The following PARP8 variants were observed in gnomAD, a reference collection of about 807,000 sequenced individuals.
PARP8 encodes protein mono-ADP-ribosyltransferase PARP8.
A neutral mutation model predicts 124.1 loss-of-function variants in PARP8; 51 were observed. The observed-to-expected ratio is 0.41, with a 90% confidence interval of 0.33 to 0.52. The LOEUF (loss-of-function observed/expected upper bound fraction) is 0.52. PARP8 is among the 20% of genes least tolerant of loss of function. The probability of loss-of-function intolerance (pLI) is 0.21; values close to 1 mark genes in which losing one functional copy is unlikely to be tolerated. For missense variants in PARP8, 860 were observed against 1,018.9 expected (o/e 0.84, Z 2.12); for synonymous variants, 391 against 361.5 (o/e 1.08, Z -0.93).
chr5:50,811,991 A>G (rs1196946146), intron 14 of PARP8, among the ~76,000 whole-genome samples: 1 of 152,108 alleles, frequency 6.6e-6, no homozygotes, highest in Non-Finnish European at 1.5e-5. Flanking sequence ...TCTGTCATTG[A>G]TGGACATTTG....
At chr5:50,774,149 T>C (rs1345935242) in intron 7 of PARP8, among the ~76,000 whole-genome samples, 3 of 152,076 alleles carry the variant, frequency 2.0e-5, no homozygotes, top group Non-Finnish European at 2.9e-5. Flanking sequence ...GAGCAAGGGG[T>C]TGGGGGTAAG....
At chr5:50,713,669 G>A (rs974908507) in intron 2 of PARP8, among the ~76,000 whole-genome samples, 1 of 151,758 alleles carries the variant, frequency 6.6e-6, no homozygotes, top group African/African-American at 2.4e-5. Flanking sequence ...TACCTTATAT[G>A]GCCAAAAGGA....
chr5:50,713,841 T>C (rs572977123), intron 2 of PARP8, among the ~76,000 whole-genome samples: 8 of 152,100 alleles, frequency 5.3e-5, no homozygotes, highest in African/African-American at 1.9e-4. Flanking sequence ...CTGAAGATGC[T>C]CTGCTGCAGC....
intron 6 of PARP8, among the ~76,000 whole-genome samples, chr5:50,762,363 T>C (rs1169834362): frequency 6.6e-6 from 1 of 152,106 alleles, no homozygotes; most frequent in Non-Finnish European, 1.5e-5. Flanking sequence ...TGTTGAAAAA[T>C]TGTTATGAAG....
At chr5:50,740,530 A>G (rs1757938159) in intron 2 of PARP8, among the ~76,000 whole-genome samples, 1 of 152,172 alleles carries the variant, frequency 6.6e-6, no homozygotes, top group Non-Finnish European at 1.5e-5. Context: ...AGGTGCTATT[A>G]AAATTATGTT....
At chr5:50,681,475 C>T (rs1369007079) in intron 2 of PARP8, among the ~76,000 whole-genome samples, 1 of 152,034 alleles carries the variant, frequency 6.6e-6, no homozygotes. Context: ...AAAGGATTAG[C>T]ATGAGGGATG....
intron 7 of PARP8, among the ~76,000 whole-genome samples, chr5:50,764,987 C>CATGA (rs1760917351): frequency 6.6e-6 from 1 of 151,574 alleles, no homozygotes; most frequent in African/African-American, 2.4e-5. Context: ...GGTTGCTGGG[C>CATGA]GCGGTGGCTC....
chr5:50,788,568 G>T lies in PARP8; in HGVS notation c.716G>T (p.Gly239Val), dbSNP rs200546345. 16 of 1,613,098 alleles carry T rather than the reference G, an allele frequency of 9.9e-6. No individual in the cohort carries two copies. Among genetic ancestry groups the T allele is most frequent in the Non-Finnish European group, 1.4e-5 (16 of 1,179,506 alleles). Residue 239 changes from glycine to valine, a missense_variant, in exon 10 of 26, where the codon GGA becomes GTA. Physicochemically the swap from Gly to Val is moderately radical, Grantham distance 109. Coordinates refer to ENST00000281631, the MANE Select transcript of PARP8 (RefSeq NM_024615.4). ...CAGATTTCCACAAAAGAGCGATTTG[G>T]ATTGGGACATCAGCTGAAAAAGTAA... The part of the protein sequence containing the change: ...VFQISTKERF[G>V]LGHQLKKIMQ...
intron 2 of PARP8, 102 bp from the exon 3 acceptor site, chr5:50,750,049 T>G: frequency 2.2e-6 from 2 of 901,296 alleles, no homozygotes; most frequent in East Asian, 4.9e-5. Context: ...ACTTACATCT[T>G]TATAACTGAA....
intron 12 of PARP8, among the ~76,000 whole-genome samples, chr5:50,795,943 C>T (rs1742492056): frequency 6.6e-6 from 1 of 152,120 alleles, no homozygotes; most frequent in African/African-American, 2.4e-5. Context: ...TCTTAGTGTC[C>T]ATTTTATACT....
intron 25 of PARP8, among the ~76,000 whole-genome samples, chr5:50,838,280 A>G (rs1561453502): frequency 6.6e-6 from 1 of 152,014 alleles, no homozygotes; most frequent in Admixed American, 6.6e-5. Context: ...GTAGTCATCA[A>G]TTCCCAAGTT....
At chr5:50,817,381 A>G (rs534794094) in intron 15 of PARP8, among the ~76,000 whole-genome samples, 23 of 152,354 alleles carry the variant, frequency 1.5e-4, no homozygotes, top group African/African-American at 5.5e-4. Context: ...TTCTTAAAAC[A>G]GGTTCCCCAG....
At chr5:50,785,754 G>A (rs1741177216) in intron 9 of PARP8, among the ~76,000 whole-genome samples, 1 of 152,158 alleles carries the variant, frequency 6.6e-6, no homozygotes, top group East Asian at 1.9e-4. Flanking sequence ...GAGCATTTGT[G>A]TCCCAGAGTA....
At chr5:50,762,320 GT>G (rs975019600) in intron 6 of PARP8, among the ~76,000 whole-genome samples, 1 of 151,990 alleles carries the variant, frequency 6.6e-6, no homozygotes, top group African/African-American at 2.4e-5. Context: ...TTCATCATTT[GT>G]TTATTTGTAT....
chr5:50,697,939 C>T (rs1396900385), intron 2 of PARP8, among the ~76,000 whole-genome samples: 1 of 152,178 alleles, frequency 6.6e-6, no homozygotes, highest in African/African-American at 2.4e-5. Flanking sequence ...GCACCACTTC[C>T]TTTTTCATCT....
rs1749511995 is a variant in PARP8, at chr5:50,667,790, C to G, written c.92-281C>G. 14 of 905,852 alleles carry G rather than the reference C, an allele frequency of 1.5e-5. No homozygotes were observed. The South Asian group carries it at 1.8e-4, about 12-fold the overall frequency. 56.1% of individuals were successfully genotyped at this position (905,852 alleles called of 1,614,324 possible). A position where few individuals can be genotyped will look rare whatever the true frequency, so the allele number is the denominator to read the frequency against. ...TCCCCCGGGATTTTGCTTTCGCTAC[C>G]GCGAGCCCGGCTGAGGCTGCTTCCG... On this transcript the variant is annotated intron_variant, in intron 1 of 25. Transcript: ENST00000281631.
chr5:50,761,829 A>G lies in PARP8; in HGVS notation c.354A>G (p.Arg118=). ...KLQKENGEES[R]QNSTVEEDSE... is the part of the protein sequence containing the mutation. ...TACTTTATTATTTTAAGGAATCAAG[A>G]CAGAATAGTACAGTGGAGGAAGATT... The change falls in exon 6 of 26, where the codon AGA becomes AGG. Residue 118 remains arginine (R), a synonymous_variant. Coordinates refer to ENST00000281631, the MANE Select transcript of PARP8 (RefSeq NM_024615.4). 1 of 1,583,014 alleles carries G rather than the reference A, an allele frequency of 6.3e-7. No homozygotes were observed. Among genetic ancestry groups the G allele is most frequent in the South Asian group, 1.1e-5 (1 of 87,020 alleles).
chr5:50,760,456 A>G (rs993281777), intron 5 of PARP8, 94 bp downstream of exon 5: 2 of 1,010,748 alleles, frequency 2.0e-6, no homozygotes, highest in African/African-American at 3.4e-5. Context: ...TAGTGAGACT[A>G]AAATGGTATA....
chr5:50,703,041 C>G (rs1171397957), intron 2 of PARP8, among the ~76,000 whole-genome samples: 6 of 152,082 alleles, frequency 3.9e-5, no homozygotes, highest in Non-Finnish European at 8.8e-5. Flanking sequence ...TGGCTCGTGC[C>G]TGTAATCCCA....
Sources: allele counts gnomAD v4.1 joint callset (sites outside exome capture counted in the v4.1 genomes callset), GRCh38; gene constraint gnomAD v4.1.1; transcripts MANE v1.5; gene names NCBI Gene and HGNC (gene_info 2026-07-23, HGNC 2026-07-21).